OPRM1: variants seen among roughly 807,000 people sequenced by gnomAD.
OPRM1 encodes the protein opioid receptor mu 1.
In OPRM1, 27 loss-of-function variants were observed where a neutral mutation model predicts 31.8. The ratio of observed to expected loss-of-function variants is 0.85; its 90% CI spans 0.63 to 1.17. The LOEUF is 1.17. OPRM1 is among the 50% of genes most tolerant of loss of function. The pLI is 0.00. For missense variants in OPRM1, 536 were observed against 511.1 expected, an observed-to-expected ratio of 1.05 and a Z score of -0.47; for synonymous variants, 196 against 189.9, an observed-to-expected ratio of 1.03 and a Z score of -0.26.
intron 3 of OPRM1, chr6:154,092,025 A>C (rs1583492788): frequency 1.8e-6 from 1 of 546,710 alleles, no homozygotes; most frequent in Non-Finnish European, 2.3e-6. Flanking sequence ...TGCTACCTGA[A>C]CTCTAGCACA....
chr6:154,194,520 C>T (rs749779495), intron 3 of OPRM1, among the ~76,000 whole-genome samples: 3 of 152,150 alleles, frequency 2.0e-5, no homozygotes, highest in African/African-American at 4.8e-5. Flanking sequence ...TGACCTCCAA[C>T]TCCTCAACCC....
At chr6:154,156,174 A>G (rs1032087521) in intron 3 of OPRM1, 1 of 152,216 alleles carries the variant, frequency 6.6e-6, no homozygotes, top group African/African-American at 2.4e-5. Flanking sequence ...ATTAGGTGAA[A>G]CCCCAATCCA....
Position 154,131,546 on chromosome 6 carries a change from A to T in OPRM1, c.*12825A>T, listed in dbSNP as rs1797894695. On this transcript the variant is annotated 3_prime_UTR_variant, in exon 4 of 4. Coordinates refer to ENST00000330432, the MANE Select transcript of OPRM1 (RefSeq NM_000914.5). Reference sequence around the variant, plus strand: ...TAGACCCCTGCTGCTCTGCACGTAGATTCAGTTTGTATGCCAGGGTGACAT... The same window carrying T: ...TAGACCCCTGCTGCTCTGCACGTAGTTTCAGTTTGTATGCCAGGGTGACAT... Among the ~76,000 whole-genome samples the T allele has an allele frequency of 6.6e-6, 1 of 152,216 alleles. No homozygotes were observed. Among genetic ancestry groups the T allele is most frequent in the Non-Finnish European group, 1.5e-5 (1 of 68,040 alleles).
At chr6:154,149,688 G>A (rs1337974202) in intron 3 of OPRM1, among the ~76,000 whole-genome samples, 1 of 151,706 alleles carries the variant, frequency 6.6e-6, no homozygotes. Context: ...CTTTAGAAAT[G>A]CCACATTCTA....
chr6:154,244,632 T>C (rs746870934), intron 3 of OPRM1, among the ~76,000 whole-genome samples: 73 of 152,306 alleles, frequency 4.8e-4, no homozygotes, highest in Non-Finnish European at 6.5e-4. Context: ...ATGAAGTTCC[T>C]AATGCCTAAA....
At chr6:154,058,213 A>C (rs961106997) in intron 1 of OPRM1, among the ~76,000 whole-genome samples, 24 of 152,330 alleles carry the variant, frequency 1.6e-4, no homozygotes, top group Non-Finnish European at 3.5e-4. Flanking sequence ...CTTTAAAAAA[A>C]ATTGTATATA....
chr6:154,107,628 C>T (rs775063705), intron 3 of OPRM1: 6 of 718,380 alleles, frequency 8.4e-6, no homozygotes, highest in Non-Finnish European at 1.6e-5. Flanking sequence ...CTGACTATGA[C>T]ATGAACCCTA....
At position 154,022,426 on chromosome 6, in the gene OPRM1, C is replaced by G. The variant is rs1778431526; in HGVS notation, c.-1+11408C>G. 1.6e-5 allele frequency among the ~76,000 whole-genome samples: 2 copies of G among 121,452 alleles called. 1 individual carries two copies. Among genetic ancestry groups the G allele is most frequent in the African/African-American group, 9.8e-5 (2 of 20,482 alleles). The allele number at this position is 121,452 out of a possible 152,430, so 79.7% of individuals were successfully genotyped here. A position where few individuals can be genotyped will look rare whatever the true frequency, so the allele number is the denominator to read the frequency against. On this transcript the variant is annotated intron_variant, in intron 1 of 5. Coordinates refer to the OPRM1 transcript ENST00000434900. ...TCCAGAGCAGGGGCCTGGCCTGCTC[C>G]CCACAGGGTTGTTGTATTCTGTTTA...
At chr6:154,101,497 G>T (rs1794824846) in intron 3 of OPRM1, among the ~76,000 whole-genome samples, 1 of 152,146 alleles carries the variant, frequency 6.6e-6, no homozygotes, top group African/African-American at 2.4e-5. Context: ...ATTTCTTTCT[G>T]ATTGCTTCAG....
chr6:154,142,886 T>C (rs922170827), intron 3 of OPRM1, among the ~76,000 whole-genome samples: 2 of 152,198 alleles, frequency 1.3e-5, no homozygotes, highest in African/African-American at 4.8e-5. Context: ...ACTCTTCTCA[T>C]TCTCTAATGC....
chr6:154,116,144 A>G (rs1216714774), intron 3 of OPRM1, among the ~76,000 whole-genome samples: 1 of 152,174 alleles, frequency 6.6e-6, no homozygotes, highest in African/African-American at 2.4e-5. Flanking sequence ...GAGAAACTCA[A>G]TCTTAAAAAT....
chr6:154,082,406 T>C (rs1789370538), intron 1 of OPRM1, among the ~76,000 whole-genome samples: 1 of 152,214 alleles, frequency 6.6e-6, no homozygotes. Context: ...CTCATATTTG[T>C]TGTACTAAGC....
intron 3 of OPRM1, among the ~76,000 whole-genome samples, chr6:154,115,045 A>G (rs1048417011): frequency 1.3e-5 from 2 of 152,188 alleles, no homozygotes; most frequent in Admixed American, 6.5e-5. Flanking sequence ...CCAATTACAC[A>G]TTCAGCCCTG....
chr6:154,228,832 G>A (rs1023540077), intron 3 of OPRM1, among the ~76,000 whole-genome samples: 1 of 152,206 alleles, frequency 6.6e-6, no homozygotes, highest in Non-Finnish European at 1.5e-5. Flanking sequence ...AGGCTGCAGT[G>A]AGCTGAGATG....
chr6:154,193,469 A>G (rs1802113750), intron 3 of OPRM1, among the ~76,000 whole-genome samples: 1 of 152,202 alleles, frequency 6.6e-6, no homozygotes, highest in South Asian at 2.1e-4. Flanking sequence ...ATGTAACCAC[A>G]CAACACCACC....
intron 1 of OPRM1, chr6:154,087,675 C>A: frequency 1.3e-6 from 1 of 797,086 alleles, no homozygotes; most frequent in Non-Finnish European, 1.5e-6. Flanking sequence ...CCTTGCCATT[C>A]ACCATGGCCC....
intron 3 of OPRM1, among the ~76,000 whole-genome samples, chr6:154,100,037 CATATG>C (rs1269223499): frequency 9.0e-5 from 6 of 66,410 alleles, no homozygotes; most frequent in African/African-American, 2.8e-4. Flanking sequence ...TATATATTAT[CATATG>C]ATATATATCA....
chr6:154,086,611 A>AT (rs967049148), intron 1 of OPRM1: 10 of 983,350 alleles, frequency 1.0e-5, no homozygotes, highest in African/African-American at 7.0e-5. Flanking sequence ...GAAGGAAATG[A>AT]TTTTTTTTAA....
At chr6:154,239,888 AG>A (rs34393436) in intron 3 of OPRM1, among the ~76,000 whole-genome samples, 1 of 152,042 alleles carries the variant, frequency 6.6e-6, no homozygotes, top group African/African-American at 2.4e-5. Flanking sequence ...TTTTTAGTAG[AG>A]GGGGGTTTCA....
Sources: allele counts gnomAD v4.1 joint callset (sites outside exome capture counted in the v4.1 genomes callset), GRCh38; gene constraint gnomAD v4.1.1; transcripts MANE v1.5; gene names NCBI Gene and HGNC (gene_info 2026-07-23, HGNC 2026-07-21).